MYRF: variants seen among roughly 807,000 people sequenced by gnomAD.
MYRF encodes myelin gene regulatory factor.
Under a neutral mutation model 126.3 loss-of-function variants are expected in MYRF, and 16 were observed. The observed-to-expected ratio is 0.13, with a 90% CI of 0.09 to 0.19. The LOEUF is 0.19. MYRF is among the 10% of genes least tolerant of loss of function. The probability of loss-of-function intolerance (pLI) is 1.00; values close to 1 mark genes in which losing one functional copy is unlikely to be tolerated. For missense variants in MYRF, 1,104 were observed against 1,547.0 expected (o/e 0.71, Z 4.80); for synonymous variants, 608 against 635.3 (o/e 0.96, Z 0.65).
chr11:61,753,915 G>A (rs1305605795), intron 1 of MYRF: 2 of 152,472 alleles, frequency 1.3e-5, no homozygotes, highest in Non-Finnish European at 2.9e-5. Flanking sequence ...GAACCTCCCT[G>A]GAACATCTAG....
intron 16 of MYRF, 71 bp downstream of exon 16, chr11:61,779,641 A>G: frequency 7.2e-7 from 1 of 1,384,956 alleles, no homozygotes; most frequent in Non-Finnish European, 9.6e-7. Flanking sequence ...TCTGGCTTGC[A>G]GTTCTCCAGC....
chr11:61,766,592 C>A, intron 3 of MYRF: 1 of 256,712 alleles, frequency 3.9e-6, no homozygotes, highest in Non-Finnish European at 7.5e-6. Context: ...CCCACTTACG[C>A]ATCCAGCTGA....
rs1280701724 is a variant in MYRF at position 61,757,416 on chromosome 11, G to A, written c.46+4626G>A. On this transcript the variant is annotated intron_variant, in intron 1 of 26. Transcript: ENST00000278836. This position sits in a 1 kb window ranked among gnomAD's most constrained non-coding sequence, Gnocchi z 4.7. ...GCAGGGCCTCCGTCCCAGGGTTTCT[G>A]GGGTGATTAGGTAAGATTGTGCCTG... 4.4e-6 allele frequency: 2 copies of A among 451,906 alleles called. No homozygotes were observed. Among genetic ancestry groups the A allele is most frequent in the Admixed American group, 2.4e-5 (1 of 42,384 alleles). The allele number at this position is 451,906 out of a possible 1,614,324, so 28.0% of individuals were successfully genotyped here.
Position 61,780,739 on chromosome 11 carries a change from C to T in MYRF, c.2433C>T (p.Leu811=), listed in dbSNP as rs1161797319. Residue 811 remains leucine (L), a synonymous_variant, in exon 19 of 27, where the codon CTC becomes CTT. Transcript: ENST00000278836. ...CTTTTGCCGTGTCCACTTCCTGTCT[C>T]CTGGCCCTGCTCCGGCCCCAGCCCC... The part of the protein sequence containing the change: ...DGSFAVSTSC[L]LALLRPQPPG... 6.5e-7 allele frequency: 1 copy of T among 1,549,364 alleles called. No homozygotes were observed. The highest frequency in any genetic ancestry group is 8.7e-7 in the Non-Finnish European group (1 of 1,147,080).
Position 61,783,667 on chromosome 11 carries a change from C to A in MYRF, c.3119+67C>A. 2 of 1,492,772 alleles carry A rather than the reference C, an allele frequency of 1.3e-6. No individual in the cohort carries two copies. Among genetic ancestry groups the A allele is most frequent in the South Asian group, 1.2e-5 (1 of 86,660 alleles). 92.5% of individuals were successfully genotyped at this position (1,492,772 alleles called of 1,614,324 possible). A position where few individuals can be genotyped will look rare whatever the true frequency, so the allele number is the denominator to read the frequency against. Reference sequence around the variant, plus strand: ...TGACATGAGCCCAGGTGGTACAGATCACCCGGAACTTGCCCTTTCAGGGAG... The same window carrying A: ...TGACATGAGCCCAGGTGGTACAGATAACCCGGAACTTGCCCTTTCAGGGAG... On this transcript the variant is annotated intron_variant, in intron 23 of 26. Transcript: ENST00000278836. This position sits in a 1 kb window ranked among gnomAD's most constrained non-coding sequence, Gnocchi z 4.6.
intron 3 of MYRF, chr11:61,767,002 T>C: frequency 2.2e-6 from 1 of 456,490 alleles, no homozygotes; most frequent in Non-Finnish European, 4.4e-6. Flanking sequence ...CGGTAACCCA[T>C]GGCCTCAGTT....
chr11:61,772,412 C>A (rs373376300), intron 7 of MYRF, among the ~76,000 whole-genome samples: 2 of 152,340 alleles, frequency 1.3e-5, no homozygotes, highest in South Asian at 4.1e-4. Context: ...GGCCGCAGGC[C>A]GGGAGCCCTG....
Position 61,776,281 on chromosome 11 carries a change from C to A in MYRF, c.1389-41C>A. ...CCCTCAGTGGCGTGGCTCTTGCAGCCTCCCTCCCTGCCCCCTGAGCACCCT... is the reference window on the plus strand; with the variant it reads ...CCCTCAGTGGCGTGGCTCTTGCAGCATCCCTCCCTGCCCCCTGAGCACCCT... On this transcript the variant is annotated intron_variant, in intron 9 of 26. Transcript: ENST00000278836. This position sits in a 1 kb window ranked among gnomAD's most constrained non-coding sequence, Gnocchi z 4.3. 1 of 1,586,136 alleles carries A rather than the reference C, an allele frequency of 6.3e-7. No homozygotes were observed. The highest frequency in any genetic ancestry group is 8.6e-7 in the Non-Finnish European group (1 of 1,161,422).
Position 61,771,736 on chromosome 11 carries a change from G to A in MYRF, c.977G>A (p.Gly326Asp). The A allele has an allele frequency of 3.1e-6, 5 of 1,612,034 alleles. No homozygotes were observed. The highest frequency in any genetic ancestry group is 4.2e-6 in the Non-Finnish European group (5 of 1,178,720). The change falls in exon 6 of 27, where the codon GGT becomes GAT. Residue 326 changes from glycine to aspartate, a missense_variant. Gly to Asp is a moderately conservative substitution (Grantham distance 94). This residue lies in a region of MYRF where 87 missense variants were observed against 129.2 expected (regional missense o/e 0.67). Coordinates refer to ENST00000278836, the MANE Select transcript of MYRF (RefSeq NM_001127392.3). ...CAGACACCGCCTTGGCACCCGCCAG[G>A]TGCCCCCTCCCCAGGTACATGGCTG... The part of the protein sequence containing the change: ...RVQTPPWHPP[G>D]APSPGLLQDS...
At position 61,787,055 on chromosome 11, in the gene MYRF, A is replaced by G. The variant is rs1458551866; in HGVS notation, c.*912A>G. 1 of 152,756 alleles carries G rather than the reference A, an allele frequency of 6.5e-6. No individual in the cohort carries two copies. Among genetic ancestry groups the G allele is most frequent in the African/African-American group, 2.4e-5 (1 of 41,450 alleles). 9.5% of individuals were successfully genotyped at this position (152,756 alleles called of 1,614,324 possible). Reference sequence around the variant, plus strand: ...TGACCACATCATTCTCTCTGAGCAGAGGAGCAGGAATCCCTCAAGCAGCAG... The same window carrying G: ...TGACCACATCATTCTCTCTGAGCAGGGGAGCAGGAATCCCTCAAGCAGCAG... On this transcript the variant is annotated 3_prime_UTR_variant, in exon 27 of 27. Transcript: ENST00000278836.
chr11:61,774,770 G>A (rs1327374010), intron 8 of MYRF, among the ~76,000 whole-genome samples: 3 of 150,004 alleles, frequency 2.0e-5, no homozygotes, highest in Admixed American at 6.6e-5. Flanking sequence ...CTTCCCTCTC[G>A]TTGGGCACCT....
chr11:61,774,187 G>C (rs1052731321), intron 8 of MYRF, 25 bp downstream of exon 8: 9 of 1,580,984 alleles, frequency 5.7e-6, no homozygotes, highest in African/African-American at 1.4e-5. Context: ...CAGCAAGGAA[G>C]GGAGGGCAGG....
At chr11:61,781,438 G>A in intron 21 of MYRF, 109 bp downstream of exon 21, 2 of 1,542,866 alleles carry the variant, frequency 1.3e-6, no homozygotes, top group Non-Finnish European at 1.8e-6. Context: ...CGAGGCTCTG[G>A]ACAATGACTG....
At chr11:61,774,242 TG>T in intron 8 of MYRF, 80 bp downstream of exon 8, 1 of 1,331,268 alleles carries the variant, frequency 7.5e-7, no homozygotes. Flanking sequence ...AAGCAAGCGT[TG>T]GCTGGATGCT....
Position 61,777,524 on chromosome 11 carries a change from G to C in MYRF, c.1791+60G>C. On this transcript the variant is annotated intron_variant, in intron 12 of 26. Transcript: ENST00000278836. The surrounding 1 kb of genome is among the most constrained non-coding windows in gnomAD (Gnocchi z 8.8). ...GACGCTGGAGCGGGCCGCGGGGGCG[G>C]GGCTCCTGGGGAGGGGGCGTGACTA... 1.3e-6 allele frequency: 2 copies of C among 1,522,450 alleles called. No individual in the cohort carries two copies. Among genetic ancestry groups the C allele is most frequent in the Non-Finnish European group, 1.8e-6 (2 of 1,126,582 alleles). 94.3% of individuals were successfully genotyped at this position (1,522,450 alleles called of 1,614,324 possible). A position where few individuals can be genotyped will look rare whatever the true frequency, so the allele number is the denominator to read the frequency against.
intron 1 of MYRF, among the ~76,000 whole-genome samples, chr11:61,763,540 G>A (rs1441042524): frequency 6.6e-6 from 1 of 152,244 alleles, no homozygotes; most frequent in Non-Finnish European, 1.5e-5. Context: ...CGCAGGTGAA[G>A]AGCCTGCAGG....
intron 1 of MYRF, among the ~76,000 whole-genome samples, chr11:61,753,654 A>G (rs781110268): frequency 4.8e-5 from 6 of 126,180 alleles, no homozygotes; most frequent in Admixed American, 2.4e-4. Context: ...CCTCACCCCC[A>G]CTTGACCGAA....
chr11:61,772,178 C>T (rs1420454413), intron 7 of MYRF, among the ~76,000 whole-genome samples: 1 of 152,188 alleles, frequency 6.6e-6, no homozygotes, highest in Non-Finnish European at 1.5e-5. Flanking sequence ...CAGCTGGGAA[C>T]CAAGTCAGGG....
chr11:61,752,835 A>G, intron 1 of MYRF, 45 bp downstream of exon 1: 1 of 1,470,142 alleles, frequency 6.8e-7, no homozygotes. Flanking sequence ...GGCGCTGGGA[A>G]CCCCCGGCTG....
Sources: allele counts gnomAD v4.1 joint callset (sites outside exome capture counted in the v4.1 genomes callset), GRCh38; gene constraint gnomAD v4.1.1; regional missense constraint gnomAD v4.1.1; non-coding constraint Gnocchi (gnomAD v3.1); transcripts MANE v1.5; gene names NCBI Gene and HGNC (gene_info 2026-07-23, HGNC 2026-07-21).